SLC14A2: variants seen among roughly 807,000 people sequenced by gnomAD.
SLC14A2 encodes urea transporter 2.
A neutral mutation model predicts 104.6 loss-of-function variants in SLC14A2; 91 were observed. The observed-to-expected ratio is 0.87, with a 90% CI of 0.73 to 1.04. SLC14A2 has a LOEUF of 1.04. Ranked by LOEUF, SLC14A2 falls within the 50% of genes least tolerant of loss-of-function variation. SLC14A2 has a pLI of 0.00. For missense variants in SLC14A2, 1,189 were observed against 1,156.0 expected (o/e 1.03, Z -0.41); for synonymous variants, 476 against 466.4 (o/e 1.02, Z -0.27).
intron 8 of SLC14A2, among the ~76,000 whole-genome samples, chr18:45,641,665 A>G (rs1189788415): frequency 6.6e-6 from 1 of 152,204 alleles, no homozygotes; most frequent in African/African-American, 2.4e-5. Context: ...TTTATACAAC[A>G]CCATCAAGTG....
At chr18:45,361,173 A>T (rs1221461912) in intron 1 of SLC14A2, among the ~76,000 whole-genome samples, 1 of 152,166 alleles carries the variant, frequency 6.6e-6, no homozygotes, top group South Asian at 2.1e-4. Context: ...GCACAGATGA[A>T]GTCACCCTGG....
At chr18:45,489,033 C>T (rs10502865) in intron 2 of SLC14A2, among the ~76,000 whole-genome samples, 88 of 152,246 alleles carry the variant, frequency 5.8e-4, no homozygotes, top group African/African-American at 2.0e-3. Flanking sequence ...ACTGTGAAGA[C>T]ATTGCACTGG....
the SLC14A2 span, among the ~76,000 whole-genome samples, chr18:45,204,243 A>G: frequency 6.6e-6 from 1 of 152,210 alleles, no homozygotes; most frequent in Non-Finnish European, 1.5e-5. Flanking sequence ...GGCTCCCGTC[A>G]GGAGAACAAG....
intron 2 of SLC14A2, among the ~76,000 whole-genome samples, chr18:45,531,544 A>G (rs1023398881): frequency 4.6e-5 from 7 of 151,378 alleles, no homozygotes; most frequent in Non-Finnish European, 2.9e-5. Context: ...TTTTGATGGG[A>G]TTGTTTGTTT....
At chr18:45,297,686 G>C (rs1236026968) in intron 1 of SLC14A2, among the ~76,000 whole-genome samples, 2 of 152,060 alleles carry the variant, frequency 1.3e-5, no homozygotes, top group Non-Finnish European at 2.9e-5. Flanking sequence ...TGTACGTGAA[G>C]GCGCATGTTC....
chr18:45,425,921 C>A (rs181737413), intron 1 of SLC14A2, among the ~76,000 whole-genome samples: 30 of 152,082 alleles, frequency 2.0e-4, no homozygotes, highest in African/African-American at 7.0e-4. Context: ...TGTGCTGTCC[C>A]CGACTTCAGA....
intron 1 of SLC14A2, among the ~76,000 whole-genome samples, chr18:45,361,050 T>C (rs890364177): frequency 6.6e-6 from 1 of 152,172 alleles, no homozygotes; most frequent in African/African-American, 2.4e-5. Flanking sequence ...TCAGTTCTTG[T>C]TCTCTTCCCC....
At chr18:45,571,840 T>G (rs1208808223) in intron 2 of SLC14A2, among the ~76,000 whole-genome samples, 1 of 152,194 alleles carries the variant, frequency 6.6e-6, no homozygotes, top group Non-Finnish European at 1.5e-5. Context: ...ATTTTCTCAT[T>G]GAGTAAAATA....
chr18:45,440,004 C>G (rs1310212210), intron 1 of SLC14A2, among the ~76,000 whole-genome samples: 4 of 152,096 alleles, frequency 2.6e-5, no homozygotes, highest in Non-Finnish European at 4.4e-5. Flanking sequence ...GAGTGTTTCC[C>G]TTTTGCATGA....
At chr18:45,401,803 T>C (rs1162989355) in intron 1 of SLC14A2, among the ~76,000 whole-genome samples, 1 of 152,122 alleles carries the variant, frequency 6.6e-6, no homozygotes, top group African/African-American at 2.4e-5. Context: ...TAGGAAATAT[T>C]CTGGAGATAC....
At chr18:45,628,701 A>T (rs1035274644) in intron 4 of SLC14A2, among the ~76,000 whole-genome samples, 3 of 152,216 alleles carry the variant, frequency 2.0e-5, no homozygotes, top group Non-Finnish European at 4.4e-5. Flanking sequence ...ATAGCGTAAA[A>T]TAAAACTGAT....
intron 1 of SLC14A2, among the ~76,000 whole-genome samples, chr18:45,414,757 A>AAAAAATATATATATAT (rs1360051908): frequency 7.9e-5 from 6 of 76,104 alleles, no homozygotes; most frequent in Admixed American, 1.7e-4. Context: ...AAAAAAAAAA[A>AAAAAATATATATATAT]ATATATATAT....
chr18:45,351,663 G>A (rs569953953), intron 1 of SLC14A2, among the ~76,000 whole-genome samples: 1 of 152,276 alleles, frequency 6.6e-6, no homozygotes, highest in Admixed American at 6.5e-5. Flanking sequence ...GCCTACTTAT[G>A]TACGCTCAGT....
chr18:45,568,894 G>A (rs997076452), intron 2 of SLC14A2, among the ~76,000 whole-genome samples: 9 of 152,228 alleles, frequency 5.9e-5, no homozygotes, highest in Non-Finnish European at 1.0e-4. Flanking sequence ...GCTATGGATA[G>A]TTATGTTTTG....
Position 45,217,137 on chromosome 18 carries a change from T to G in SLC14A2, c.-125+3946T>G, listed in dbSNP as rs2084017973. ...TTTCCTTGCACTTCTATTTTAATAATCCTTATCATCCCCAAAGCAACAGAT... is the reference window on the plus strand; with the variant it reads ...TTTCCTTGCACTTCTATTTTAATAAGCCTTATCATCCCCAAAGCAACAGAT... On this transcript the variant is annotated intron_variant, in intron 1 of 20. Coordinates refer to the SLC14A2 transcript ENST00000586448. Among the ~76,000 whole-genome samples the G allele has an allele frequency of 2.0e-5, 3 of 151,712 alleles. No homozygotes were observed. The South Asian group carries it at 6.2e-4, about 31-fold the overall frequency.
At chr18:45,346,173 C>T (rs1178756556) in intron 1 of SLC14A2, among the ~76,000 whole-genome samples, 3 of 151,772 alleles carry the variant, frequency 2.0e-5, no homozygotes, top group Non-Finnish European at 2.9e-5. Context: ...TTTTTTTCCC[C>T]TTGAGTTGGA....
chr18:45,523,168 A>G (rs1287849062), intron 2 of SLC14A2, among the ~76,000 whole-genome samples: 1 of 134,936 alleles, frequency 7.4e-6, no homozygotes, highest in Admixed American at 7.8e-5. Flanking sequence ...TAAATAAACA[A>G]AGGAGGGAAA....
rs553345738 is a variant in SLC14A2, at chr18:45,673,699, G to A, written c.2394G>A (p.Thr798=). 3.5e-5 allele frequency: 56 copies of A among 1,613,844 alleles called. No homozygotes were observed. The highest frequency in any genetic ancestry group is 4.4e-5 in the South Asian group (4 of 91,070). Residue 798 remains threonine, a synonymous_variant, in exon 18 of 20, where the codon ACG becomes ACA. Transcript: ENST00000255226. Reference sequence around the variant, plus strand: ...CTGTCACAGCACTCACTATTGCGACGCCCTTTGACTCCATCTACTTCGGCC... The same window carrying A: ...CTGTCACAGCACTCACTATTGCGACACCCTTTGACTCCATCTACTTCGGCC... ...MGMLAALTIA[T]PFDSIYFGLC...
At chr18:45,535,813 T>G (rs1027886124) in intron 2 of SLC14A2, among the ~76,000 whole-genome samples, 1 of 152,202 alleles carries the variant, frequency 6.6e-6, no homozygotes, top group Non-Finnish European at 1.5e-5. Flanking sequence ...CCCTACTTAC[T>G]AAACAGTCTT....
Sources: gnomAD v4.1 joint callset for allele counts (sites outside exome capture counted in the v4.1 genomes callset) on GRCh38, gnomAD v4.1.1 for gene constraint, MANE v1.5 for transcripts, NCBI Gene and HGNC (gene_info 2026-07-23, HGNC 2026-07-21) for gene names.